Variants in HDAC4 observed in about 807,000 individuals in gnomAD.
The protein encoded by HDAC4 is histone deacetylase 4.
Under a neutral mutation model 135.1 loss-of-function variants are expected in HDAC4, and 16 were observed. The ratio of observed to expected loss-of-function variants is 0.12; its 90% confidence interval spans 0.08 to 0.18. HDAC4 has a LOEUF of 0.18. HDAC4 is among the 10% of genes least tolerant of loss of function. The pLI, the probability that HDAC4 is intolerant of heterozygous loss-of-function variation, is 1.00. For missense variants in HDAC4, 1,143 were observed against 1,511.8 expected (o/e 0.76, Z 4.05); for synonymous variants, 685 against 653.4 (o/e 1.05, Z -0.74).
intron 5 of HDAC4, among the ~76,000 whole-genome samples, chr2:239,171,393 G>T (rs2043445486): frequency 6.6e-6 from 1 of 152,210 alleles, no homozygotes; most frequent in Non-Finnish European, 1.5e-5. Flanking sequence ...AGATTATTGT[G>T]CAGGTAAAGC....
chr2:239,247,534 C>A (rs144392488), intron 2 of HDAC4, among the ~76,000 whole-genome samples: 3 of 152,212 alleles, frequency 2.0e-5, no homozygotes, highest in Non-Finnish European at 2.9e-5. Context: ...GTGCCCTCCA[C>A]GCCAGGGCAT....
chr2:239,389,021 T>C (rs1338550035), intron 1 of HDAC4, among the ~76,000 whole-genome samples: 1 of 152,160 alleles, frequency 6.6e-6, no homozygotes, highest in Non-Finnish European at 1.5e-5. Flanking sequence ...GATTGAGAGG[T>C]GAAGCCAGCT....
chr2:239,392,443 A>G, intron 1 of HDAC4, among the ~76,000 whole-genome samples: 1 of 152,200 alleles, frequency 6.6e-6, no homozygotes, highest in Admixed American at 6.5e-5. Context: ...TAAATTTTAT[A>G]GTAGAGGGGG....
At chr2:239,119,487 CA>C (rs2039437734) in intron 12 of HDAC4, among the ~76,000 whole-genome samples, 2 of 151,356 alleles carry the variant, frequency 1.3e-5, no homozygotes, top group African/African-American at 2.4e-5. Context: ...GTGCGGGGAC[CA>C]GAGCTCAGGG....
chr2:239,291,824 T>C (rs35465535), intron 2 of HDAC4, among the ~76,000 whole-genome samples: 25,729 of 152,128 alleles, frequency 0.17, 2,513 homozygotes, highest in East Asian at 0.31. Flanking sequence ...AAAAGGGGCC[T>C]AAGCTCAAGA....
In HDAC4 at chr2:239,087,569, T is replaced by C. The variant is rs886044559; in HGVS notation, c.2434A>G (p.Ser812Gly). The C allele has an allele frequency of 8.1e-6, 13 of 1,613,638 alleles. No homozygotes were observed. Among genetic ancestry groups the C allele is most frequent in the Non-Finnish European group, 1.1e-5 (13 of 1,179,892 alleles). Residue 812 changes from serine (S) to glycine (G), a missense_variant, in exon 19 of 27, where the codon AGC becomes GGC. Physicochemically the swap from Ser to Gly is moderately conservative, Grantham distance 56. Around this residue, in one of 9 missense-constraint regions of HDAC4, gnomAD observed 189 missense variants for 317.6 expected, o/e 0.60. Transcript: ENST00000543185. Reference protein sequence around the residue: ...VRPPGHHAEESTPMGFCYFNS... With the variant: ...VRPPGHHAEEGTPMGFCYFNS... The stretch of plus-strand genomic sequence containing the variant: ...GCGGCGTGTACTCACATGGGCGTGC[T>C]CTCCTCCGCATGGTGTCCAGGGGGG...
chr2:239,066,037 C>A (rs1412476931), intron 24 of HDAC4, among the ~76,000 whole-genome samples: 1 of 152,228 alleles, frequency 6.6e-6, no homozygotes, highest in Non-Finnish European at 1.5e-5. Context: ...CCTCCTCCTC[C>A]CATCTCACTG....
intron 7 of HDAC4, among the ~76,000 whole-genome samples, chr2:239,148,797 C>T (rs2041924328): frequency 6.6e-6 from 1 of 152,228 alleles, no homozygotes; most frequent in Non-Finnish European, 1.5e-5. Flanking sequence ...GCAGACCGTT[C>T]ACACGCACCG....
chr2:239,212,993 G>C (rs972237230), intron 3 of HDAC4, among the ~76,000 whole-genome samples: 1 of 152,202 alleles, frequency 6.6e-6, no homozygotes, highest in Non-Finnish European at 1.5e-5. Context: ...CTGTACCCAC[G>C]TGGGTTCCAG....
chr2:239,265,444 C>CA lies in HDAC4; in HGVS notation c.23-28781dup, dbSNP rs1477039762. ...CACTCAGAAACAGCACTTCCAAAATCAAAGAAAAACCCCACTGTTAGTGGC... is the reference window on the plus strand; with the variant it reads ...CACTCAGAAACAGCACTTCCAAAATCAAAAGAAAAACCCCACTGTTAGTGGC... On this transcript the variant is annotated intron_variant, in intron 2 of 26. Coordinates refer to ENST00000543185, the MANE Select transcript of HDAC4 (RefSeq NM_001378414.1). Among the ~76,000 whole-genome samples, 14 of 152,222 alleles carry CA rather than the reference C, an allele frequency of 9.2e-5. 1 individual carries two copies. Among genetic ancestry groups the CA allele is most frequent in the Admixed American group, 9.2e-4 (14 of 15,286 alleles).
rs369064561 is a variant in HDAC4, at chr2:239,108,005, T to C, written c.2112+45A>G. 22 of 1,609,002 alleles carry C rather than the reference T, an allele frequency of 1.4e-5. No homozygotes were observed. The South Asian group carries it at 1.5e-4, about 11-fold the overall frequency. ...GCGGGCCCACGAGGGTCCCCTCTAA[T>C]GGTGCCCAAAGCCGCAGCTGCCCAC... On this transcript the variant is annotated intron_variant, in intron 15 of 26. Transcript: ENST00000543185.
chr2:239,322,756 C>G (rs183101284), intron 2 of HDAC4, among the ~76,000 whole-genome samples: 1 of 151,900 alleles, frequency 6.6e-6, no homozygotes. Context: ...TCATCCTGCC[C>G]GGGTGTGGGT....
intron 19 of HDAC4, among the ~76,000 whole-genome samples, chr2:239,086,685 T>C (rs1172747998): frequency 6.6e-6 from 1 of 152,224 alleles, no homozygotes; most frequent in Non-Finnish European, 1.5e-5. Flanking sequence ...TTCTGTCTTG[T>C]TCTGACTGCT....
intron 3 of HDAC4, among the ~76,000 whole-genome samples, chr2:239,196,451 A>C (rs2045388579): frequency 6.6e-6 from 1 of 152,196 alleles, no homozygotes; most frequent in Admixed American, 6.5e-5. Context: ...ACATCTGCAT[A>C]TATGTGGCCC....
chr2:239,274,001 G>A (rs1461094000), intron 2 of HDAC4, among the ~76,000 whole-genome samples: 2 of 152,220 alleles, frequency 1.3e-5, no homozygotes, highest in Non-Finnish European at 2.9e-5. Context: ...CGCATGTTCG[G>A]AAGACACCTG....
intron 1 of HDAC4, among the ~76,000 whole-genome samples, chr2:239,391,359 T>C (rs1696193975): frequency 6.6e-6 from 1 of 152,114 alleles, no homozygotes; most frequent in East Asian, 1.9e-4. Context: ...CGGGGAGACG[T>C]CCACCACACC....
At chr2:239,114,723 A>G (rs1009542171) in intron 13 of HDAC4, among the ~76,000 whole-genome samples, 5 of 152,218 alleles carry the variant, frequency 3.3e-5, no homozygotes, top group Admixed American at 3.3e-4. Context: ...TTCTTTAAAA[A>G]GCATGCTGTA....
intron 1 of HDAC4, among the ~76,000 whole-genome samples, chr2:239,378,198 G>A (rs1217857371): frequency 1.3e-5 from 2 of 152,086 alleles, no homozygotes; most frequent in Non-Finnish European, 2.9e-5. Flanking sequence ...CTGTCGAAGA[G>A]CAGCCCAGTG....
At position 239,243,253 on chromosome 2, in the gene HDAC4, C is replaced by T. The variant is rs10211157; in HGVS notation, c.23-6589G>A. On this transcript the variant is annotated intron_variant, in intron 2 of 26. Coordinates refer to ENST00000543185, the MANE Select transcript of HDAC4 (RefSeq NM_001378414.1). The stretch of plus-strand genomic sequence containing the variant: ...CTGCAAGCTCCGCCTCCCAGGTTCA[C>T]GCCATTCTCCTGCCTCAGCCTCCCG... Among the ~76,000 whole-genome samples the T allele has an allele frequency of 3.4e-3, 519 of 151,958 alleles. 4 individuals are homozygous for T. Among genetic ancestry groups the T allele is most frequent in the African/African-American group, 0.012 (490 of 41,442 alleles).
Sources: allele counts gnomAD v4.1 joint callset (sites outside exome capture counted in the v4.1 genomes callset), GRCh38; gene constraint gnomAD v4.1.1; regional missense constraint gnomAD v4.1.1; transcripts MANE v1.5; gene names NCBI Gene and HGNC (gene_info 2026-07-23, HGNC 2026-07-21).